The following PDXDC1 variants were observed in gnomAD, a reference collection of about 807,000 sequenced individuals.
PDXDC1 encodes the protein pyridoxal-dependent decarboxylase domain-containing protein 1.
PDXDC1 carries 42 observed loss-of-function variants against 100.1 expected under a neutral mutation model. That is an observed-to-expected ratio of 0.42 (90% CI 0.33 to 0.54). The LOEUF (loss-of-function observed/expected upper bound fraction) is 0.54. Among genes scored for constraint, PDXDC1 ranks in the 20% least tolerant of loss-of-function variants. The pLI is 0.10. For missense variants in PDXDC1, 636 were observed against 979.2 expected, an observed-to-expected ratio of 0.65 and a Z score of 4.68; for synonymous variants, 260 against 371.7, an observed-to-expected ratio of 0.70 and a Z score of 3.46.
At chr16:15,128,088 G>A (rs770310789) in intron 16 of PDXDC1, 1 of 1,608,280 alleles carries the variant, frequency 6.2e-7, no homozygotes, top group Non-Finnish European at 8.5e-7. Flanking sequence ...TGTGCCGTCT[G>A]CAGGTCCCTG....
Position 15,037,260 on chromosome 16 carries a change from C to T in PDXDC1, c.*985C>T, listed in dbSNP as rs971602592. The T allele has an allele frequency of 5.3e-5, 8 of 152,226 alleles. No individual in the cohort carries two copies. The highest frequency in any genetic ancestry group is 9.6e-5 in the African/African-American group (4 of 41,466). 9.4% of individuals were successfully genotyped at this position (152,226 alleles called of 1,614,324 possible). ...TCAGTAGAAGCTCGCTGGCACTGCC[C>T]GTTCCTACTTTTCCGAAGTACTGCG... On this transcript the variant is annotated 3_prime_UTR_variant, in exon 23 of 23. Coordinates refer to ENST00000396410, the MANE Select transcript of PDXDC1 (RefSeq NM_015027.4).
chr16:15,146,020 G>A, the PDXDC1 span, among the ~76,000 whole-genome samples: 10 of 152,218 alleles, frequency 6.6e-5, no homozygotes, highest in African/African-American at 1.7e-4. Flanking sequence ...CAAGGTGGGG[G>A]AGCGAGGGCA....
At chr16:14,980,674 C>T (rs1967764029) in intron 1 of PDXDC1, among the ~76,000 whole-genome samples, 1 of 152,270 alleles carries the variant, frequency 6.6e-6, no homozygotes, top group Non-Finnish European at 1.5e-5. Flanking sequence ...GTGGTTTCAC[C>T]AAGTGTTAGC....
Position 15,128,298 on chromosome 16 carries a change from G to C in PDXDC1, c.1400-10581G>C, listed in dbSNP as rs1422459628. ...TGGCGATCCGGAAGATGTCCAGGCT[G>C]TTGCGGTGGAAGGCTCTGTCGCCAT... On this transcript the variant is annotated intron_variant, in intron 16 of 16. Transcript: ENST00000535621. 4 of 1,610,188 alleles carry C rather than the reference G, an allele frequency of 2.5e-6. No homozygotes were observed. In the South Asian group the frequency reaches 4.4e-5, roughly 18 times the overall value.
intron 1 of PDXDC1, among the ~76,000 whole-genome samples, chr16:14,981,385 AAAAC>A (rs1311117725): frequency 2.6e-5 from 4 of 152,298 alleles, no homozygotes; most frequent in Non-Finnish European, 5.9e-5. Flanking sequence ...CTCCCAGGCA[AAAAC>A]AAACAGTGCC....
chr16:15,044,383 G>T (rs764580920), intron 16 of PDXDC1: 26 of 1,613,192 alleles, frequency 1.6e-5, no homozygotes, highest in Non-Finnish European at 2.2e-5. Context: ...CGTCACTGAA[G>T]CCTCCAACAA....
chr16:15,060,140 CAG>C (rs759889779), intron 16 of PDXDC1: 2 of 365,174 alleles, frequency 5.5e-6, no homozygotes, highest in South Asian at 2.2e-5. Flanking sequence ...TGAAATTAAA[CAG>C]ACTTATATGT....
intron 21 of PDXDC1, among the ~76,000 whole-genome samples, 189 bp from the exon 22 acceptor site, chr16:15,035,260 G>A (rs780805528): frequency 7.9e-5 from 12 of 152,194 alleles, no homozygotes; most frequent in Non-Finnish European, 1.6e-4. Flanking sequence ...GGATGCTGGC[G>A]GTACTGGCCC....
rs751539651 is a variant in PDXDC1 at position 15,071,302 on chromosome 16, C to G, written c.1399+41246C>G. ...GATCTTTTTTAATGCCTAAGATAAT[C>G]TGGCTATCAAAATCCCAAGATTTTT... is the stretch of plus-strand genomic sequence containing the variant. On this transcript the variant is annotated intron_variant, in intron 16 of 16. Coordinates refer to the PDXDC1 transcript ENST00000535621. 6 of 1,525,250 alleles carry G rather than the reference C, an allele frequency of 3.9e-6. No individual in the cohort carries two copies. The Admixed American group carries it at 6.5e-5, about 16-fold the overall frequency. 94.5% of individuals were successfully genotyped at this position (1,525,250 alleles called of 1,614,324 possible).
chr16:14,996,833 T>C (rs1182651589), intron 1 of PDXDC1, among the ~76,000 whole-genome samples: 6 of 152,284 alleles, frequency 3.9e-5, no homozygotes, highest in Non-Finnish European at 8.8e-5. Flanking sequence ...CCCCAGCCTG[T>C]GTAACAGAGC....
intron 13 of PDXDC1, among the ~76,000 whole-genome samples, chr16:15,023,694 G>A (rs1398414993): frequency 2.0e-5 from 3 of 152,276 alleles, no homozygotes; most frequent in Non-Finnish European, 2.9e-5. Flanking sequence ...TGAAGGGGGT[G>A]TGGCTACTCT....
At chr16:15,131,304 T>G in intron 16 of PDXDC1, 1 of 1,575,390 alleles carries the variant, frequency 6.3e-7, no homozygotes, top group African/African-American at 1.3e-5. Flanking sequence ...CGCCGGCCTG[T>G]GTCTGGAACG....
At chr16:15,133,771 C>T (rs890079940) in intron 16 of PDXDC1, 2 of 1,589,884 alleles carry the variant, frequency 1.3e-6, no homozygotes, top group South Asian at 1.1e-5. Flanking sequence ...TCCCGCTGCT[C>T]CCCCTAAGCA....
downstream of PDXDC1, among the ~76,000 whole-genome samples, chr16:15,140,506 G>A (rs1191316061): frequency 1.3e-5 from 2 of 148,538 alleles, no homozygotes; most frequent in African/African-American, 2.5e-5. Context: ...AGGAAAGAAA[G>A]AGAAAACTCC....
chr16:15,055,165 T>A (rs1293060654), intron 16 of PDXDC1, among the ~76,000 whole-genome samples: 1 of 152,154 alleles, frequency 6.6e-6, no homozygotes, highest in Non-Finnish European at 1.5e-5. Flanking sequence ...ATAGGACGTC[T>A]GCCCCCGCCG....
downstream of PDXDC1, chr16:15,039,982 A>G: frequency 6.3e-7 from 1 of 1,597,704 alleles, no homozygotes. Flanking sequence ...TCCTCCTGCT[A>G]AAGTTCGCGC....
intron 16 of PDXDC1, among the ~76,000 whole-genome samples, chr16:15,083,167 G>A (rs1201025898): frequency 1.3e-5 from 2 of 152,172 alleles, no homozygotes; most frequent in East Asian, 3.8e-4. Flanking sequence ...TTGGGAGGCC[G>A]AGGCAGGCAG....
chr16:15,067,973 T>C (rs1350316820), intron 16 of PDXDC1, among the ~76,000 whole-genome samples: 6 of 151,948 alleles, frequency 3.9e-5, no homozygotes, highest in Non-Finnish European at 7.4e-5. Flanking sequence ...TTGCTCAGGC[T>C]GGTCTTTTAA....
chr16:15,093,583 T>C (rs1023051032), intron 16 of PDXDC1, among the ~76,000 whole-genome samples: 14 of 152,310 alleles, frequency 9.2e-5, no homozygotes, highest in African/African-American at 3.1e-4. Context: ...ATTACGCTAA[T>C]TGTTTTACAA....
Sources: gnomAD v4.1 joint callset for allele counts (sites outside exome capture counted in the v4.1 genomes callset) on GRCh38, gnomAD v4.1.1 for gene constraint, MANE v1.5 for transcripts, NCBI Gene and HGNC (gene_info 2026-07-23, HGNC 2026-07-21) for gene names.